TUT4: variants seen among roughly 807,000 people sequenced by gnomAD.
TUT4 encodes terminal uridylyl transferase 4, also known as terminal uridylyltransferase 4.
A neutral mutation model predicts 192.2 loss-of-function variants in TUT4; 36 were observed. The observed-to-expected ratio is 0.19, with a 90% CI of 0.14 to 0.25. The LOEUF (loss-of-function observed/expected upper bound fraction) is 0.25, where lower values mean the gene tolerates loss of function less well. TUT4 is among the 10% of genes least tolerant of loss of function. TUT4 has a pLI of 1.00. For missense variants in TUT4, 1,493 were observed against 1,957.2 expected (o/e 0.76, Z 4.47); for synonymous variants, 618 against 666.0 (o/e 0.93, Z 1.11).
chr1:52,551,950 C>T (rs756110673), intron 1 of TUT4, among the ~76,000 whole-genome samples: 1 of 152,198 alleles, frequency 6.6e-6, no homozygotes, highest in Non-Finnish European at 1.5e-5. Flanking sequence ...GGGCTAATTA[C>T]TAAATGCATG....
intron 20 of TUT4, among the ~76,000 whole-genome samples, chr1:52,454,625 C>T (rs146438177): frequency 6.6e-6 from 1 of 152,242 alleles, no homozygotes; most frequent in African/African-American, 2.4e-5. Context: ...TGGAAGAAAA[C>T]ACAAGAGAAA....
chr1:52,429,773 A>C (rs548368534), intron 28 of TUT4, among the ~76,000 whole-genome samples: 2 of 151,886 alleles, frequency 1.3e-5, no homozygotes, highest in East Asian at 1.9e-4. Context: ...TTGTATTTTT[A>C]ATAGAGACAA....
intron 6 of TUT4, 51 bp downstream of exon 6, chr1:52,495,376 A>T: frequency 1.7e-6 from 2 of 1,161,354 alleles, no homozygotes; most frequent in Non-Finnish European, 2.5e-6. Flanking sequence ...AATCCATAAA[A>T]ATTACTAAGT....
At chr1:52,481,264 A>G (rs1438199398) in intron 11 of TUT4, among the ~76,000 whole-genome samples, 159 bp downstream of exon 11, 1 of 152,218 alleles carries the variant, frequency 6.6e-6, no homozygotes, top group East Asian at 1.9e-4. Flanking sequence ...CTTGGTACTG[A>G]AAAACTAAAC....
At position 52,475,594 on chromosome 1, in the gene TUT4, C is replaced by A. The variant is rs994279928; in HGVS notation, c.2024-59G>T. On this transcript the variant is annotated intron_variant, in intron 12 of 29. Transcript: ENST00000257177. ...TCTACTAACAAACTACATTTCCAAGCTCATACAAGTAGATCTTAACTGATA... is the reference window on the plus strand; with the variant it reads ...TCTACTAACAAACTACATTTCCAAGATCATACAAGTAGATCTTAACTGATA... 1.1e-5 allele frequency: 16 copies of A among 1,432,444 alleles called. No homozygotes were observed. The East Asian group carries it at 2.2e-4, about 20-fold the overall frequency. 88.7% of individuals were successfully genotyped at this position (1,432,444 alleles called of 1,614,324 possible).
In TUT4 at chr1:52,531,885, CTTTTTTTTTTT is replaced by C. The variant is rs1158088077; in HGVS notation, c.-93-5523_-93-5513del. 1.2e-3 allele frequency among the ~76,000 whole-genome samples: 101 copies of C among 80,828 alleles called. 1 individual carries two copies. The highest frequency in any genetic ancestry group is 1.6e-3 in the Non-Finnish European group (71 of 44,016). 53.0% of individuals were successfully genotyped at this position (80,828 alleles called of 152,430 possible). A position where few individuals can be genotyped will look rare whatever the true frequency, so the allele number is the denominator to read the frequency against. On this transcript the variant is annotated intron_variant, in intron 1 of 29. Coordinates refer to ENST00000257177, the MANE Select transcript of TUT4 (RefSeq NM_001009881.3). ...AACAGTAGAGACTGTCTTTTCTCAT[CTTTTTTTTTTT>C]TTTTTTTTTTTTTTTTTTGAGACAG...
chr1:52,541,366 T>G (rs972146439), intron 1 of TUT4, among the ~76,000 whole-genome samples: 17 of 151,962 alleles, frequency 1.1e-4, no homozygotes, highest in African/African-American at 3.9e-4. Context: ...ACCCCATCTC[T>G]ACTAAAAATA....
intron 20 of TUT4, among the ~76,000 whole-genome samples, chr1:52,448,588 CAAAAAAAAAAAAA>C (rs1190767355): frequency 2.9e-4 from 12 of 40,814 alleles, no homozygotes; most frequent in Admixed American, 2.2e-3. Context: ...GATTCTGTCT[CAAAAAAAAAAAAA>C]AAAAAAAAAA....
chr1:52,516,477 ACCACAAAC>A (rs1209534145), intron 2 of TUT4, among the ~76,000 whole-genome samples: 3 of 152,196 alleles, frequency 2.0e-5, no homozygotes, highest in African/African-American at 7.2e-5. Flanking sequence ...TATACTCCAG[ACCACAAAC>A]CCACACAAGG....
At chr1:52,456,860 T>C (rs1398206210) in intron 20 of TUT4, among the ~76,000 whole-genome samples, 2 of 152,206 alleles carry the variant, frequency 1.3e-5, no homozygotes, top group Non-Finnish European at 2.9e-5. Flanking sequence ...TTGCAAACTA[T>C]GGACTTCGGG....
intron 25 of TUT4, chr1:52,437,213 T>C: frequency 2.3e-6 from 1 of 433,348 alleles, no homozygotes; most frequent in Non-Finnish European, 4.0e-6. Flanking sequence ...TCTTAAACCT[T>C]TAACAATCCT....
chr1:52,470,526 A>C (rs1257159848), intron 14 of TUT4, among the ~76,000 whole-genome samples: 4 of 152,342 alleles, frequency 2.6e-5, no homozygotes, highest in Non-Finnish European at 5.9e-5. Flanking sequence ...TGAATGGATA[A>C]ACAAATTGTG....
chr1:52,424,194 G>A (rs1002481140), intron 29 of TUT4, 192 bp from the exon 30 acceptor site: 4 of 577,312 alleles, frequency 6.9e-6, no homozygotes, highest in Non-Finnish European at 1.2e-5. Context: ...TGTGAAAAAA[G>A]GAGAGGACAC....
At chr1:52,505,790 T>C (rs1280348754) in intron 4 of TUT4, among the ~76,000 whole-genome samples, 3 of 151,976 alleles carry the variant, frequency 2.0e-5, no homozygotes, top group African/African-American at 7.3e-5. Flanking sequence ...AATCACATAG[T>C]TTTCTCTGTT....
intron 19 of TUT4, 48 bp downstream of exon 19, chr1:52,461,086 A>AT: frequency 6.9e-7 from 1 of 1,442,868 alleles, no homozygotes; most frequent in Non-Finnish European, 9.4e-7. Flanking sequence ...GTTATGTTTC[A>AT]TTTTAATTAT....
At chr1:52,456,773 T>C (rs192355613) in intron 20 of TUT4, among the ~76,000 whole-genome samples, 105 of 152,290 alleles carry the variant, frequency 6.9e-4, no homozygotes, top group African/African-American at 2.0e-3. Flanking sequence ...TGATGTATCA[T>C]TGATTATGAT....
rs573902419 is a variant in TUT4, at chr1:52,478,514, T to C, written c.1849-632A>G. The stretch of plus-strand genomic sequence containing the variant: ...CGGCACATATATTAACAATTCTAAC[T>C]ATTCCATGAAGTGGATACTATAGGT... On this transcript the variant is annotated intron_variant, in intron 11 of 29. Coordinates refer to ENST00000257177, the MANE Select transcript of TUT4 (RefSeq NM_001009881.3). Among the ~76,000 whole-genome samples, 245 of 152,312 alleles carry C rather than the reference T, an allele frequency of 1.6e-3. 1 individual carries two copies. The highest frequency in any genetic ancestry group is 5.5e-3 in the African/African-American group (227 of 41,574).
chr1:52,498,574 T>C (rs922703497), intron 4 of TUT4, among the ~76,000 whole-genome samples: 7 of 150,628 alleles, frequency 4.6e-5, no homozygotes, highest in African/African-American at 1.5e-4. Context: ...AAAGAACTAA[T>C]AGCAACAGAC....
At position 52,490,738 on chromosome 1, in the gene TUT4, C is replaced by T. The variant is rs956163448; in HGVS notation, c.1382G>A (p.Arg461Gln). 3.7e-6 allele frequency: 6 copies of T among 1,603,990 alleles called. No homozygotes were observed. The highest frequency in any genetic ancestry group is 3.4e-5 in the Admixed American group (2 of 58,720). Residue 461 changes from arginine to glutamine, a missense_variant, in exon 8 of 30, where the codon CGA becomes CAA. By Grantham distance (43) the Arg-to-Gln change is conservative. This residue lies in a region of TUT4 where 437 missense variants were observed against 577.6 expected (regional missense o/e 0.76). Transcript: ENST00000257177. Reference protein sequence around the residue: ...AKVPVVVCRDRKSGLLCRVSA... With the variant: ...AKVPVVVCRDQKSGLLCRVSA... ...TATCTTCATTGTTACCAACCTTTTT[C>T]GATCTCTGCACACCACAACAGGAAC...
Sources: gnomAD v4.1 joint callset for allele counts (sites outside exome capture counted in the v4.1 genomes callset) on GRCh38, gnomAD v4.1.1 for gene constraint, gnomAD v4.1.1 regional missense constraint, MANE v1.5 for transcripts, NCBI Gene and HGNC (gene_info 2026-07-23, HGNC 2026-07-21) for gene names.